DAB1: variants seen among roughly 807,000 people sequenced by gnomAD.
The protein encoded by DAB1 is DAB adaptor protein 1.
Under a neutral mutation model 64.6 loss-of-function variants are expected in DAB1, and 15 were observed. The observed-to-expected ratio is 0.23, with a 90% CI of 0.16 to 0.36. The LOEUF is 0.36. Ranked by LOEUF, DAB1 falls within the 10% of genes least tolerant of loss-of-function variation. The pLI, the probability that DAB1 is intolerant of heterozygous loss-of-function variation, is 1.00. For synonymous variants in DAB1, 235 were observed against 251.9 expected (o/e 0.93, Z 0.64); for missense variants, 596 against 706.7 (o/e 0.84, Z 1.78).
At chr1:57,057,596 A>G (rs1236953331) in intron 9 of DAB1, among the ~76,000 whole-genome samples, 1 of 148,294 alleles carries the variant, frequency 6.7e-6, no homozygotes, top group East Asian at 2.0e-4. Flanking sequence ...GGGTAGAAGG[A>G]CTACACTGAT....
At chr1:58,005,443 C>T (rs757153951) in intron 5 of DAB1, among the ~76,000 whole-genome samples, 24 of 152,088 alleles carry the variant, frequency 1.6e-4, no homozygotes, top group Non-Finnish European at 3.4e-4. Context: ...GAGAGCCTCA[C>T]AAGTGTGTGG....
At chr1:58,349,919 C>T (rs987942954) in intron 3 of DAB1, among the ~76,000 whole-genome samples, 3 of 152,112 alleles carry the variant, frequency 2.0e-5, no homozygotes, top group African/African-American at 7.2e-5. Flanking sequence ...AATAAACACA[C>T]GTGTGCATAT....
intron 5 of DAB1, chr1:58,048,731 T>G (rs566251233): frequency 7.6e-7 from 1 of 1,309,964 alleles, no homozygotes; most frequent in Non-Finnish European, 1.1e-6. Flanking sequence ...GATGAAACAC[T>G]AGCCATCTCT....
rs191892401 is a variant in DAB1 at position 57,346,671 on chromosome 1, G to A, written c.-136-55505C>T. Among the ~76,000 whole-genome samples the A allele has an allele frequency of 1.5e-3, 225 of 152,288 alleles. 1 individual carries two copies. Among genetic ancestry groups the A allele is most frequent in the East Asian group, 0.01 (53 of 5,184 alleles). On this transcript the variant is annotated intron_variant, in intron 1 of 14. Coordinates refer to ENST00000371236, the MANE Select transcript of DAB1 (RefSeq NM_001365792.1). ...TGTTGTCACTGTTCTCTAGAAGCTG[G>A]AAGAGTCTAGAGTATAGAAGCTCCT... is the stretch of plus-strand genomic sequence containing the variant.
chr1:58,048,933 G>C, intron 5 of DAB1: 1 of 865,996 alleles, frequency 1.2e-6, no homozygotes, highest in Non-Finnish European at 1.9e-6. Flanking sequence ...TAATCTCTTA[G>C]GTGATGTTCT....
chr1:57,168,890 T>C (rs2100915174), intron 2 of DAB1, among the ~76,000 whole-genome samples: 1 of 152,060 alleles, frequency 6.6e-6, no homozygotes, highest in African/African-American at 2.4e-5. Flanking sequence ...ACTCTCTCTC[T>C]ACAAAAAATT....
intron 1 of DAB1, among the ~76,000 whole-genome samples, chr1:57,331,585 T>C (rs879341001): frequency 5.3e-5 from 8 of 152,228 alleles, no homozygotes; most frequent in Admixed American, 2.0e-4. Context: ...TTGCCTTCTA[T>C]AGAGACTAGA....
chr1:57,933,793 AC>A (rs1644985751), intron 5 of DAB1, among the ~76,000 whole-genome samples: 1 of 152,174 alleles, frequency 6.6e-6, no homozygotes, highest in Non-Finnish European at 1.5e-5. Context: ...TTTATAAGAA[AC>A]TAACAGGTCC....
chr1:58,354,354 A>G (rs769258534), intron 3 of DAB1, among the ~76,000 whole-genome samples: 2 of 152,206 alleles, frequency 1.3e-5, no homozygotes, highest in Non-Finnish European at 2.9e-5. Flanking sequence ...CATGTAGCAC[A>G]TAAACCTGCC....
chr1:57,169,447 GAC>G (rs1661518930), intron 2 of DAB1, among the ~76,000 whole-genome samples: 1 of 152,154 alleles, frequency 6.6e-6, no homozygotes, highest in Admixed American at 6.5e-5. Context: ...AAAGAGACTT[GAC>G]CAAGGTTACA....
At chr1:57,127,210 T>C (rs1434061254) in intron 4 of DAB1, among the ~76,000 whole-genome samples, 1 of 152,078 alleles carries the variant, frequency 6.6e-6, no homozygotes, top group African/African-American at 2.4e-5. Context: ...AGCAGTAGAC[T>C]CCATATAAAG....
intron 2 of DAB1, among the ~76,000 whole-genome samples, chr1:57,170,293 C>T (rs1258348680): frequency 6.6e-6 from 1 of 152,100 alleles, no homozygotes; most frequent in Non-Finnish European, 1.5e-5. Context: ...GCCACCATGC[C>T]CAGCCCTTAC....
chr1:58,369,226 TCTC>T, intron 3 of DAB1, among the ~76,000 whole-genome samples: 1 of 152,246 alleles, frequency 6.6e-6, no homozygotes, highest in South Asian at 2.1e-4. Context: ...TCATATTCCC[TCTC>T]CTTTACCAGT....
chr1:57,557,683 T>A (rs1645006111), intron 7 of DAB1, among the ~76,000 whole-genome samples: 1 of 152,152 alleles, frequency 6.6e-6, no homozygotes, highest in Admixed American at 6.5e-5. Context: ...GTCCTTGGCA[T>A]GAACTGTTTA....
At chr1:57,103,166 GGAAA>G (rs1359303807) in intron 4 of DAB1, among the ~76,000 whole-genome samples, 3 of 152,144 alleles carry the variant, frequency 2.0e-5, no homozygotes, top group Admixed American at 1.3e-4. Flanking sequence ...AATGCTAAAA[GGAAA>G]GAAAGGTCAG....
rs774054945 is a variant in DAB1 at position 58,538,932 on chromosome 1, T to C, written n.32+7771A>G. 3 of 872,780 alleles carry C rather than the reference T, an allele frequency of 3.4e-6. No individual in the cohort carries two copies. The African/African-American group carries it at 4.9e-5, about 14-fold the overall frequency. 54.1% of individuals were successfully genotyped at this position (872,780 alleles called of 1,614,324 possible). A position where few individuals can be genotyped will look rare whatever the true frequency, so the allele number is the denominator to read the frequency against. On this transcript the variant is annotated intron_variant and non_coding_transcript_variant, in intron 1 of 20. Coordinates refer to the DAB1 transcript ENST00000485760. ...TGGAAGCAGGGCTTAGAGGATGCAA[T>C]ACTGACAGACTAGGGACTGCTGTAA... is the stretch of plus-strand genomic sequence containing the variant.
At chr1:57,801,483 C>T (rs1651122160) in intron 6 of DAB1, among the ~76,000 whole-genome samples, 1 of 152,058 alleles carries the variant, frequency 6.6e-6, no homozygotes, top group Admixed American at 6.6e-5. Flanking sequence ...ATATAGAAGA[C>T]TTATCTTTGG....
At chr1:57,384,425 T>C (rs1294155661) in intron 1 of DAB1, among the ~76,000 whole-genome samples, 4 of 152,130 alleles carry the variant, frequency 2.6e-5, no homozygotes, top group Non-Finnish European at 5.9e-5. Flanking sequence ...CCAAAAGAAC[T>C]GAAAGCAGTA....
intron 7 of DAB1, among the ~76,000 whole-genome samples, chr1:57,568,981 G>C (rs529396925): frequency 6.6e-6 from 1 of 151,966 alleles, no homozygotes; most frequent in African/African-American, 2.4e-5. Flanking sequence ...ATGCACGGCC[G>C]GGCGCGGTGG....
Sources: allele counts gnomAD v4.1 joint callset (sites outside exome capture counted in the v4.1 genomes callset), GRCh38; gene constraint gnomAD v4.1.1; transcripts MANE v1.5; gene names NCBI Gene and HGNC (gene_info 2026-07-23, HGNC 2026-07-21).